The following KCNIP4 variants were observed in gnomAD, a reference collection of about 807,000 sequenced individuals.
The protein encoded by KCNIP4 is Kv channel-interacting protein 4.
In KCNIP4, 12 loss-of-function variants were observed where a neutral mutation model predicts 34.0. The ratio of observed to expected loss-of-function variants is 0.35; its 90% CI spans 0.23 to 0.57. The LOEUF is 0.57. Ranked by LOEUF, KCNIP4 falls within the 20% of genes least tolerant of loss-of-function variation. KCNIP4 has a pLI of 0.83. For missense variants in KCNIP4, 238 were observed against 311.7 expected (o/e 0.76, Z 1.78); for synonymous variants, 124 against 102.2 (o/e 1.21, Z -1.29).
intron 1 of KCNIP4, among the ~76,000 whole-genome samples, chr4:21,676,223 A>C (rs140691543): frequency 6.6e-6 from 1 of 152,178 alleles, no homozygotes. Flanking sequence ...GAGAACTTCT[A>C]AAGCCCCAAA....
intron 1 of KCNIP4, among the ~76,000 whole-genome samples, chr4:21,352,518 T>G (rs1175257514): frequency 6.6e-6 from 1 of 152,218 alleles, no homozygotes; most frequent in Non-Finnish European, 1.5e-5. Context: ...GTAGCCTTGC[T>G]CACTGCTAGC....
At chr4:21,681,883 T>C (rs1029972452) in intron 1 of KCNIP4, among the ~76,000 whole-genome samples, 4 of 146,046 alleles carry the variant, frequency 2.7e-5, no homozygotes, top group African/African-American at 1.1e-4. Flanking sequence ...CTTTTTTTTT[T>C]ATTTTTATTT....
chr4:20,749,867 CT>C, intron 4 of KCNIP4, 135 bp from the exon 5 acceptor site: 1 of 551,296 alleles, frequency 1.8e-6, no homozygotes, highest in Non-Finnish European at 3.2e-6. Flanking sequence ...TTCACAACTG[CT>C]TACCCTCTTT....
intron 4 of KCNIP4, among the ~76,000 whole-genome samples, chr4:20,752,146 C>T (rs1753770108): frequency 6.6e-6 from 1 of 151,174 alleles, no homozygotes; most frequent in Non-Finnish European, 1.5e-5. Flanking sequence ...GCAGCCTCCA[C>T]CTCCTGGGTT....
intron 1 of KCNIP4, among the ~76,000 whole-genome samples, chr4:20,943,627 GA>G: frequency 6.6e-6 from 1 of 152,226 alleles, no homozygotes; most frequent in East Asian, 1.9e-4. Flanking sequence ...GCTCAGAGAG[GA>G]AAAATGAATC....
intron 1 of KCNIP4, among the ~76,000 whole-genome samples, chr4:21,703,625 T>G (rs528991406): frequency 6.6e-6 from 1 of 152,134 alleles, no homozygotes; most frequent in Non-Finnish European, 1.5e-5. Context: ...GCACTAAAAT[T>G]TAAAATACAA....
intron 1 of KCNIP4, among the ~76,000 whole-genome samples, chr4:21,425,878 C>T (rs565458125): frequency 1.4e-5 from 2 of 144,524 alleles, no homozygotes; most frequent in South Asian, 4.3e-4. Context: ...AGCAGGACCC[C>T]ATCTCTATAG....
chr4:21,205,441 C>T (rs1756783702), intron 1 of KCNIP4, among the ~76,000 whole-genome samples: 1 of 152,136 alleles, frequency 6.6e-6, no homozygotes, highest in African/African-American at 2.4e-5. Flanking sequence ...AAATGCCATG[C>T]ATACATGATC....
chr4:21,484,286 G>C (rs1197899523), intron 1 of KCNIP4, among the ~76,000 whole-genome samples: 1 of 151,990 alleles, frequency 6.6e-6, no homozygotes, highest in Admixed American at 6.6e-5. Flanking sequence ...AATTAGCCAG[G>C]TGTGGTGGCA....
rs148832381 is a variant in KCNIP4, at chr4:21,777,620, A to T, written c.61+170951T>A. 3.3e-3 allele frequency among the ~76,000 whole-genome samples: 497 copies of T among 152,268 alleles called. 2 individuals carry two copies. Among genetic ancestry groups the T allele is most frequent in the African/African-American group, 0.011 (467 of 41,550 alleles). ...CTTCTGCTCAGAATTACATATAAAG[A>T]GAGAGGGTCACTCACAATCTTACAC... On this transcript the variant is annotated intron_variant, in intron 1 of 8. Coordinates refer to ENST00000382152, the MANE Select transcript of KCNIP4 (RefSeq NM_025221.6).
At chr4:20,911,593 G>A (rs1176808254) in intron 1 of KCNIP4, among the ~76,000 whole-genome samples, 2 of 152,106 alleles carry the variant, frequency 1.3e-5, no homozygotes, top group African/African-American at 4.8e-5. Context: ...GTGCAGTAAG[G>A]CTAAATTGCA....
At chr4:20,995,605 C>A (rs1338226192) in intron 1 of KCNIP4, among the ~76,000 whole-genome samples, 4 of 152,180 alleles carry the variant, frequency 2.6e-5, no homozygotes, top group Non-Finnish European at 5.9e-5. Flanking sequence ...AAGAACCACT[C>A]TCAGTCACTC....
intron 1 of KCNIP4, among the ~76,000 whole-genome samples, chr4:21,392,208 A>G (rs942186632): frequency 8.5e-5 from 13 of 152,234 alleles, no homozygotes; most frequent in African/African-American, 3.1e-4. Flanking sequence ...GAGAATTAGA[A>G]CAAAACAATG....
intron 1 of KCNIP4, among the ~76,000 whole-genome samples, chr4:21,768,124 A>T (rs145342261): frequency 6.6e-6 from 1 of 152,142 alleles, no homozygotes; most frequent in Admixed American, 6.6e-5. Flanking sequence ...GAGCTTCTAA[A>T]TTTATGATTT....
intron 1 of KCNIP4, among the ~76,000 whole-genome samples, chr4:21,361,722 T>C (rs551379422): frequency 6.6e-6 from 1 of 151,756 alleles, no homozygotes; most frequent in Admixed American, 6.6e-5. Context: ...CTAAATCAAT[T>C]CCAAGAATCA....
At chr4:20,984,062 T>G in intron 1 of KCNIP4, 1 of 1,386,330 alleles carries the variant, frequency 7.2e-7, no homozygotes, top group Non-Finnish European at 9.5e-7. Context: ...AGATGCACCC[T>G]GCAAAGCCGG....
intron 1 of KCNIP4, among the ~76,000 whole-genome samples, chr4:21,039,553 A>G (rs1386391504): frequency 1.3e-5 from 2 of 152,052 alleles, no homozygotes; most frequent in East Asian, 3.9e-4. Context: ...CCAGATCCCC[A>G]CCCTCAAAGC....
At chr4:21,728,573 G>C (rs1468423014) in intron 1 of KCNIP4, among the ~76,000 whole-genome samples, 1 of 152,112 alleles carries the variant, frequency 6.6e-6, no homozygotes, top group East Asian at 1.9e-4. Flanking sequence ...CCACACCTCT[G>C]CTCAAGTCTC....
chr4:21,635,397 G>A (rs1003653468), intron 1 of KCNIP4, among the ~76,000 whole-genome samples: 4 of 152,172 alleles, frequency 2.6e-5, no homozygotes, highest in African/African-American at 9.7e-5. Flanking sequence ...TCATCAGGAT[G>A]TGCTTCTTTT....
Sources: allele counts gnomAD v4.1 joint callset (sites outside exome capture counted in the v4.1 genomes callset), GRCh38; gene constraint gnomAD v4.1.1; transcripts MANE v1.5; gene names NCBI Gene and HGNC (gene_info 2026-07-23, HGNC 2026-07-21).